The following CABP1 variants were observed in gnomAD, a reference collection of about 807,000 sequenced individuals.
CABP1 encodes calcium-binding protein 1.
CABP1 carries 17 observed loss-of-function variants against 34.3 expected under a neutral mutation model. The observed-to-expected ratio is 0.50, with a 90% confidence interval of 0.34 to 0.74. CABP1 has a LOEUF of 0.74. Among genes scored for constraint, CABP1 ranks in the 30% least tolerant of loss-of-function variants. The pLI, the probability that CABP1 is intolerant of heterozygous loss-of-function variation, is 0.01. For synonymous variants in CABP1, 198 were observed against 229.2 expected, an observed-to-expected ratio of 0.86 and a Z score of 1.23; for missense variants, 373 against 511.1, an observed-to-expected ratio of 0.73 and a Z score of 2.61.
At chr12:120,672,896 G>T in the CABP1 span, among the ~76,000 whole-genome samples, 2,011 of 152,188 alleles carry the variant, frequency 0.013, 33 homozygotes, top group Non-Finnish European at 0.017. Flanking sequence ...CAGGCATGGT[G>T]GTGTGCGCCT....
At chr12:120,677,916 G>C in the CABP1 span, among the ~76,000 whole-genome samples, 3 of 152,178 alleles carry the variant, frequency 2.0e-5, no homozygotes, top group African/African-American at 7.2e-5. Flanking sequence ...TCCTCTTGGG[G>C]GACATGAAGA....
Position 120,643,303 on chromosome 12 carries a change from C to T in CABP1, c.654+1964C>T, listed in dbSNP as rs528817239. On this transcript the variant is annotated intron_variant, in intron 1 of 5. Transcript: ENST00000316803. ...CCATCTGACACCTCGAAGTCATCTA[C>T]GTGAGCAACAACAGCAAACCCAGGC... 2.7e-4 allele frequency among the ~76,000 whole-genome samples: 41 copies of T among 152,318 alleles called. 1 individual carries two copies. Among genetic ancestry groups the T allele is most frequent in the Admixed American group, 2.6e-3 (39 of 15,290 alleles).
intron 1 of CABP1, chr12:120,650,484 C>T: frequency 1.3e-6 from 2 of 1,505,506 alleles, no homozygotes; most frequent in Non-Finnish European, 1.8e-6. Flanking sequence ...TAAGAGAGCA[C>T]GCGCGCAAGA....
intron 1 of CABP1, among the ~76,000 whole-genome samples, chr12:120,647,110 C>T (rs907688300): frequency 5.3e-5 from 8 of 152,180 alleles, no homozygotes; most frequent in Non-Finnish European, 1.0e-4. Flanking sequence ...GACTGGCCTG[C>T]AGGGGGCAGG....
At chr12:120,655,435 G>A (rs1151873) in intron 1 of CABP1, 418,418 of 673,724 alleles carry the variant, frequency 0.62, 130,574 homozygotes, top group East Asian at 0.68. Flanking sequence ...AGCCACACAC[G>A]AAAAAGGAGG....
rs1050679585 is a variant in CABP1 at position 120,666,985 on chromosome 12, C to G, written c.*85C>G. The G allele has an allele frequency of 1.3e-6, 2 of 1,507,344 alleles. No homozygotes were observed. The highest frequency in any genetic ancestry group is 1.2e-5 in the South Asian group (1 of 83,782). 93.4% of individuals were successfully genotyped at this position (1,507,344 alleles called of 1,614,324 possible). Reference sequence around the variant, plus strand: ...AGCTTGCCTCACCCGCTGTAGCCGCCGAGAGCCCAGGATGTACTGGCGGAT... The same window carrying G: ...AGCTTGCCTCACCCGCTGTAGCCGCGGAGAGCCCAGGATGTACTGGCGGAT... On this transcript the variant is annotated 3_prime_UTR_variant, in exon 6 of 6. Transcript: ENST00000316803.
chr12:120,664,301 T>C (rs1880832653), intron 5 of CABP1, among the ~76,000 whole-genome samples: 1 of 152,150 alleles, frequency 6.6e-6, no homozygotes, highest in Non-Finnish European at 1.5e-5. Context: ...AGGGGGCGCC[T>C]GTGCCAAGTT....
At chr12:120,679,347 T>C in the CABP1 span, among the ~76,000 whole-genome samples, 1 of 152,206 alleles carries the variant, frequency 6.6e-6, no homozygotes. Context: ...GTTCATTGTG[T>C]GACTTTGGAC....
At position 120,640,962 on chromosome 12, in the gene CABP1, G is replaced by T; in HGVS notation, c.277G>T (p.Asp93Tyr). Residue 93 changes from aspartate to tyrosine, a missense_variant, in exon 1 of 6, where the codon GAC becomes TAC. Asp to Tyr is a radical substitution (Grantham distance 160). Transcript: ENST00000316803. This position sits in a 1 kb window ranked among gnomAD's most constrained non-coding sequence, Gnocchi z 6.2. ...GGCTCCCCGCCACGGCCCTGCCCGGGACCCGGGGCTGCCTAGCCGCCGGCT... is the reference window on the plus strand; with the variant it reads ...GGCTCCCCGCCACGGCCCTGCCCGGTACCCGGGGCTGCCTAGCCGCCGGCT... ...SRAPRHGPAR[D>Y]PGLPSRRLPG... 2 of 1,143,368 alleles carry T rather than the reference G, an allele frequency of 1.7e-6. No individual in the cohort carries two copies. The highest frequency in any genetic ancestry group is 2.1e-6 in the Non-Finnish European group (2 of 931,632). The allele number at this position is 1,143,368 out of a possible 1,614,324, so 70.8% of individuals were successfully genotyped here.
the CABP1 span, among the ~76,000 whole-genome samples, chr12:120,680,825 A>T: frequency 6.6e-6 from 1 of 151,944 alleles, no homozygotes; most frequent in Non-Finnish European, 1.5e-5. Context: ...ATCAAGGCTC[A>T]TGCCTGTAAT....
At chr12:120,673,822 T>A in the CABP1 span, among the ~76,000 whole-genome samples, 1 of 152,200 alleles carries the variant, frequency 6.6e-6, no homozygotes, top group Admixed American at 6.5e-5. Context: ...AGGGTTGTTC[T>A]GAAGATGAAA....
intron 1 of CABP1, among the ~76,000 whole-genome samples, chr12:120,658,071 C>G (rs1430038318): frequency 6.7e-6 from 1 of 149,562 alleles, no homozygotes; most frequent in Non-Finnish European, 1.5e-5. Context: ...TACCCTTAAG[C>G]CAGGCACCAT....
chr12:120,642,907 G>A (rs1879400746), intron 1 of CABP1, among the ~76,000 whole-genome samples: 1 of 143,128 alleles, frequency 7.0e-6, no homozygotes, highest in South Asian at 2.3e-4. Flanking sequence ...GGCCCTGGCT[G>A]TACCTAGCAG....
chr12:120,644,470 A>G (rs1023933059), intron 1 of CABP1, among the ~76,000 whole-genome samples: 2 of 152,108 alleles, frequency 1.3e-5, no homozygotes, highest in African/African-American at 4.8e-5. Context: ...AGCTGTCTAG[A>G]GAAGATGTGA....
chr12:120,673,137 T>C, the CABP1 span, among the ~76,000 whole-genome samples: 1 of 152,152 alleles, frequency 6.6e-6, no homozygotes, highest in African/African-American at 2.4e-5. Flanking sequence ...AAAGCTATGA[T>C]TGCAAAGGGG....
At chr12:120,654,966 C>T (rs962454973) in intron 1 of CABP1, among the ~76,000 whole-genome samples, 2 of 152,182 alleles carry the variant, frequency 1.3e-5, no homozygotes, top group Non-Finnish European at 2.9e-5. Context: ...CCAGGGAAGG[C>T]GGGAGGGAGG....
At chr12:120,676,513 C>T in the CABP1 span, among the ~76,000 whole-genome samples, 7 of 152,182 alleles carry the variant, frequency 4.6e-5, no homozygotes, top group African/African-American at 1.2e-4. Flanking sequence ...TCACAACCTC[C>T]GCCTCCCGGG....
At chr12:120,655,833 G>A (rs893160844) in intron 1 of CABP1, 21 of 674,608 alleles carry the variant, frequency 3.1e-5, no homozygotes, top group South Asian at 1.2e-4. Context: ...GTGCGTGCGT[G>A]TGTGTGTGTG....
the CABP1 span, among the ~76,000 whole-genome samples, chr12:120,672,653 T>C: frequency 7.0e-6 from 1 of 143,124 alleles, no homozygotes; most frequent in Admixed American, 7.0e-5. Flanking sequence ...CTAAAAAGTA[T>C]CGTGTTTTAA....
Sources: gnomAD v4.1 joint callset for allele counts (sites outside exome capture counted in the v4.1 genomes callset) on GRCh38, gnomAD v4.1.1 for gene constraint, Gnocchi (gnomAD v3.1) non-coding constraint, MANE v1.5 for transcripts, NCBI Gene and HGNC (gene_info 2026-07-23, HGNC 2026-07-21) for gene names.